Variants in PCDH11Y observed in about 807,000 individuals in gnomAD.
PCDH11Y encodes the protein protocadherin-11 Y-linked.
For missense variants in PCDH11Y, 12 were observed against 224.8 expected (o/e 0.05, Z 6.05); for synonymous variants, 9 against 83.6 (o/e 0.11, Z 4.87).
chrY:5,386,148 T>C (rs2124675312), intron 2 of PCDH11Y, among the ~76,000 whole-genome samples: 1 of 33,732 alleles, frequency 3.0e-5, no homozygotes, highest in South Asian at 6.5e-4. Context: ...TTTTGGCTGA[T>C]AATTATTTTG....
intron 3 of PCDH11Y, among the ~76,000 whole-genome samples, chrY:5,556,018 G>A (rs1602942664): frequency 7.0e-5 from 2 of 28,705 alleles, no homozygotes; most frequent in South Asian, 8.4e-4. Context: ...CATGCTGTTG[G>A]CATGTGTCTT....
At chrY:5,344,614 T>C (rs2053149927) in intron 2 of PCDH11Y, among the ~76,000 whole-genome samples, 1 of 33,876 alleles carries the variant, frequency 3.0e-5, no homozygotes, top group African/African-American at 1.1e-4. Flanking sequence ...TCATATGAAC[T>C]ATGTAGTAAA....
chrY:5,592,179 A>G (rs2053463053), intron 4 of PCDH11Y, among the ~76,000 whole-genome samples: 1 of 32,442 alleles, frequency 3.1e-5, no homozygotes, highest in Non-Finnish European at 7.5e-5. Context: ...ATCTCTAAGA[A>G]CTTGTTTTAT....
At chrY:5,025,500 G>T in intron 1 of PCDH11Y, among the ~76,000 whole-genome samples, 1 of 33,260 alleles carries the variant, frequency 3.0e-5, no homozygotes. Flanking sequence ...GGCCTTGCTG[G>T]CAACAGTAGT....
chrY:5,229,470 C>T (rs2052965440), intron 2 of PCDH11Y, among the ~76,000 whole-genome samples: 1 of 30,313 alleles, frequency 3.3e-5, no homozygotes, highest in Admixed American at 3.1e-4. Flanking sequence ...CACCCGCCAC[C>T]GCGCCCGGCT....
chrY:5,032,227 C>A, intron 2 of PCDH11Y, among the ~76,000 whole-genome samples: 1 of 33,641 alleles, frequency 3.0e-5, no homozygotes, highest in African/African-American at 1.1e-4. Flanking sequence ...ATAAATACCA[C>A]TAGCCAATGG....
intron 4 of PCDH11Y, among the ~76,000 whole-genome samples, chrY:5,597,271 G>GTA (rs2053467828): frequency 3.6e-5 from 1 of 27,600 alleles, no homozygotes; most frequent in Non-Finnish European, 8.3e-5. Flanking sequence ...GTATATATAT[G>GTA]TATATATATG....
intron 3 of PCDH11Y, among the ~76,000 whole-genome samples, chrY:5,048,442 G>A: frequency 6.1e-5 from 2 of 32,755 alleles, no homozygotes; most frequent in South Asian, 1.4e-3. Context: ...TGGTCAAATG[G>A]TAGTTCTAGT....
chrY:5,284,557 G>T, intron 2 of PCDH11Y, among the ~76,000 whole-genome samples: 4 of 32,437 alleles, frequency 1.2e-4, no homozygotes, highest in Non-Finnish European at 3.0e-4. Context: ...AATTTAATAT[G>T]TAGGTGCTTT....
At chrY:5,343,297 A>G (rs2053147794) in intron 2 of PCDH11Y, among the ~76,000 whole-genome samples, 1 of 26,833 alleles carries the variant, frequency 3.7e-5, no homozygotes, top group Non-Finnish European at 8.6e-5. Flanking sequence ...TCTGTCACCT[A>G]GGATGGAGTG....
chrY:5,014,493 TCAATAGTGGA>T (rs2052557939), intron 1 of PCDH11Y, among the ~76,000 whole-genome samples: 1 of 32,676 alleles, frequency 3.1e-5, no homozygotes, highest in Non-Finnish European at 7.6e-5. Flanking sequence ...TATACAGTAG[TCAATAGTGGA>T]CTAGGAAATA....
At chrY:5,219,348 C>T in intron 2 of PCDH11Y, among the ~76,000 whole-genome samples, 1 of 32,409 alleles carries the variant, frequency 3.1e-5, no homozygotes, top group Non-Finnish European at 7.6e-5. Context: ...TACAAGGGTT[C>T]CCTATTCCCC....
intron 4 of PCDH11Y, among the ~76,000 whole-genome samples, chrY:5,621,009 A>T: frequency 3.1e-5 from 1 of 32,658 alleles, no homozygotes; most frequent in South Asian, 6.8e-4. Flanking sequence ...CCCTGTCACC[A>T]CTTCTATTCA....
chrY:5,092,345 G>A, intron 1 of PCDH11Y, among the ~76,000 whole-genome samples: 1 of 33,278 alleles, frequency 3.0e-5, no homozygotes, highest in African/African-American at 1.2e-4. Flanking sequence ...TGACATTAGG[G>A]TTATCGGCAG....
At chrY:5,601,428 T>A in intron 4 of PCDH11Y, among the ~76,000 whole-genome samples, 1 of 33,119 alleles carries the variant, frequency 3.0e-5, no homozygotes, top group Non-Finnish European at 7.4e-5. Context: ...AGCAGTCTTG[T>A]CTGAGTTGTT....
intron 1 of PCDH11Y, among the ~76,000 whole-genome samples, chrY:5,005,365 T>C: frequency 3.0e-5 from 1 of 33,614 alleles, no homozygotes; most frequent in Non-Finnish European, 7.4e-5. Flanking sequence ...AGCTAATCAG[T>C]ATAACTAAGA....
At chrY:5,511,774 T>C (rs2053365447) in intron 3 of PCDH11Y, among the ~76,000 whole-genome samples, 1 of 33,689 alleles carries the variant, frequency 3.0e-5, no homozygotes, top group Non-Finnish European at 7.3e-5. Flanking sequence ...TTCAGAGACC[T>C]TGTTTTCAAA....
chrY:5,445,481 T>G (rs2053286920), intron 2 of PCDH11Y, among the ~76,000 whole-genome samples: 1 of 28,235 alleles, frequency 3.5e-5, no homozygotes, highest in Non-Finnish European at 8.5e-5. Flanking sequence ...TTCTTCTTCC[T>G]TCCTTCCTTT....
intron 3 of PCDH11Y, among the ~76,000 whole-genome samples, chrY:5,566,081 C>T (rs2053434814): frequency 3.8e-5 from 1 of 26,437 alleles, no homozygotes; most frequent in Non-Finnish European, 8.6e-5. Flanking sequence ...TCAAGCAATT[C>T]GCCTGTCTCA....
Sources: allele counts gnomAD v4.1 joint callset (sites outside exome capture counted in the v4.1 genomes callset), GRCh38; gene constraint gnomAD v4.1.1; transcripts MANE v1.5; gene names NCBI Gene and HGNC (gene_info 2026-07-23, HGNC 2026-07-21).